Variants in CLTRN observed in about 807,000 individuals in gnomAD.
The protein encoded by CLTRN is collectrin.
In CLTRN, 12 loss-of-function variants were observed where a neutral mutation model predicts 14.5. The observed-to-expected ratio is 0.83, with a 90% confidence interval of 0.53 to 1.34. CLTRN has a LOEUF of 1.34. Among genes scored for constraint, CLTRN ranks in the 40% most tolerant of loss-of-function variants. CLTRN has a pLI of 0.00. For synonymous variants in CLTRN, 58 were observed against 56.5 expected, an observed-to-expected ratio of 1.03 and a Z score of -0.12; for missense variants, 154 against 165.1, an observed-to-expected ratio of 0.93 and a Z score of 0.37.
chrX:15,641,218 C>T (rs1261277482), intron 4 of CLTRN, among the ~76,000 whole-genome samples: 1 of 111,851 alleles, frequency 8.9e-6, no homozygotes, highest in Non-Finnish European at 1.9e-5. Flanking sequence ...GTAGCAAAGA[C>T]TTATTTAATT....
At chrX:15,638,320 A>G (rs1928863572) in intron 5 of CLTRN, among the ~76,000 whole-genome samples, 1 of 112,375 alleles carries the variant, frequency 8.9e-6, no homozygotes, top group African/African-American at 3.2e-5. Flanking sequence ...TAATTTGAGG[A>G]CTAGACATAA....
At chrX:15,653,127 AT>A (rs1929264797) in intron 3 of CLTRN, among the ~76,000 whole-genome samples, 2 of 111,219 alleles carry the variant, frequency 1.8e-5, no homozygotes, top group Admixed American at 9.5e-5. Context: ...ATATGAACAA[AT>A]TTTTTTCTTG....
At chrX:15,668,802 C>T (rs1929668003), upstream of CLTRN, among the ~76,000 whole-genome samples, 1 of 111,716 alleles carries the variant, frequency 9.0e-6, no homozygotes, top group Non-Finnish European at 1.9e-5. Context: ...TTTTTCATTC[C>T]TTACATTATC....
chrX:15,630,948 A>G lies in CLTRN; in HGVS notation c.513-2821T>C, dbSNP rs777458003. 1.6e-4 allele frequency among the ~76,000 whole-genome samples: 18 copies of G among 112,378 alleles called. No individual in the cohort carries two copies. In the South Asian group the frequency reaches 1.8e-3, roughly 11 times the overall value. ...CCTCCAGAAAGCAAAGGAAATCAAC[A>G]TTCTATAACCATCAATCACATCACT... On this transcript the variant is annotated intron_variant, in intron 5 of 5. Transcript: ENST00000380342.
intron 1 of CLTRN, 77 bp from the exon 2 acceptor site, chrX:15,664,472 T>G (rs1282223564): frequency 5.7e-6 from 5 of 875,316 alleles, no homozygotes; most frequent in Non-Finnish European, 8.1e-6. Context: ...AATCCTAATA[T>G]GTAATGCAAC....
chrX:15,671,326 T>C (rs1408519326), intron 1 of CLTRN, among the ~76,000 whole-genome samples: 1 of 112,071 alleles, frequency 8.9e-6, no homozygotes, highest in Non-Finnish European at 1.9e-5. Flanking sequence ...CCTGGAACAA[T>C]GGCAAGATGT....
chrX:15,644,648 C>G (rs1456478969), intron 4 of CLTRN, among the ~76,000 whole-genome samples: 4 of 111,532 alleles, frequency 3.6e-5, no homozygotes, highest in Middle Eastern at 4.2e-3. Context: ...ACCACCACCC[C>G]CTCCAGCTGT....
intron 3 of CLTRN, chrX:15,646,594 C>T: frequency 2.9e-6 from 1 of 342,118 alleles, no homozygotes; most frequent in Non-Finnish European, 5.9e-6. Context: ...CAGCCCCTCC[C>T]CACCGCTCCT....
intron 5 of CLTRN, among the ~76,000 whole-genome samples, chrX:15,634,569 G>A (rs1250954267): frequency 9.1e-6 from 1 of 110,378 alleles, no homozygotes; most frequent in Non-Finnish European, 1.9e-5. Flanking sequence ...ACTAAATCTA[G>A]TAGAGACATT....
intron 5 of CLTRN, among the ~76,000 whole-genome samples, chrX:15,637,526 C>T (rs994385451): frequency 8.9e-6 from 1 of 112,136 alleles, no homozygotes; most frequent in African/African-American, 3.2e-5. Context: ...CCAGTTTGAA[C>T]ATGAAATAAA....
At chrX:15,639,114 A>G (rs2078504230) in intron 5 of CLTRN, among the ~76,000 whole-genome samples, 1 of 111,958 alleles carries the variant, frequency 8.9e-6, no homozygotes, top group African/African-American at 3.2e-5. Context: ...GTACAAAGGC[A>G]TCTGGGACAA....
chrX:15,627,960 A>T lies in CLTRN; in HGVS notation c.*11T>A. 1 of 1,010,162 alleles carries T rather than the reference A, an allele frequency of 9.9e-7. No homozygotes were observed. The highest frequency in any genetic ancestry group is 4.1e-5 in the South Asian group (1 of 24,232). 83.2% of individuals were successfully genotyped at this position (1,010,162 alleles called of 1,213,427 possible). A position where few individuals can be genotyped will look rare whatever the true frequency, so the allele number is the denominator to read the frequency against. The stretch of plus-strand genomic sequence containing the variant: ...ATGTTTAATTTCTTGAGGAAGCAGA[A>T]CAACAGCCCTTCAGAGAGGGGTGAG... On this transcript the variant is annotated 3_prime_UTR_variant, in exon 6 of 6. Coordinates refer to ENST00000380342, the MANE Select transcript of CLTRN (RefSeq NM_020665.6).
chrX:15,656,412 G>A (rs1393687879), intron 3 of CLTRN, among the ~76,000 whole-genome samples: 2 of 111,538 alleles, frequency 1.8e-5, no homozygotes, highest in Non-Finnish European at 3.8e-5. Flanking sequence ...TTTAATTCAC[G>A]TGATTTGGTT....
chrX:15,644,377 T>C (rs984492447), intron 4 of CLTRN, among the ~76,000 whole-genome samples: 4 of 111,667 alleles, frequency 3.6e-5, no homozygotes, highest in Non-Finnish European at 7.5e-5. Context: ...GATGCATCCT[T>C]CTGTAAATGC....
intron 4 of CLTRN, among the ~76,000 whole-genome samples, chrX:15,642,603 C>A (rs1049902757): frequency 1.8e-5 from 2 of 111,813 alleles, no homozygotes; most frequent in African/African-American, 6.5e-5. Flanking sequence ...AAGGAATGAC[C>A]AACCAATTCT....
At position 15,646,879 on chromosome X, in the gene CLTRN, G is replaced by A. The variant is rs1263904148; in HGVS notation, c.204-1850C>T. 3 of 292,935 alleles carry A rather than the reference G, an allele frequency of 1.0e-5. No individual in the cohort carries two copies. The East Asian group carries it at 3.0e-4, about 29-fold the overall frequency. 24.1% of individuals were successfully genotyped at this position (292,935 alleles called of 1,213,427 possible). On this transcript the variant is annotated intron_variant, in intron 3 of 5. Transcript: ENST00000380342. ...AGGGAGCCCGATGCCCAGGCCATCT[G>A]CCTTCGGGTCTGTGATGAGAAACGG... is the stretch of plus-strand genomic sequence containing the variant.
intron 1 of CLTRN, 21 bp from the exon 2 acceptor site, chrX:15,664,416 A>G: frequency 1.7e-6 from 2 of 1,158,980 alleles, no homozygotes; most frequent in Non-Finnish European, 2.3e-6. Context: ...AGAAAAAAGA[A>G]AGAGCAGTAT....
At chrX:15,635,272 T>G (rs947304648) in intron 5 of CLTRN, among the ~76,000 whole-genome samples, 1 of 111,696 alleles carries the variant, frequency 9.0e-6, no homozygotes, top group Admixed American at 9.5e-5. Context: ...TTATTCAGAA[T>G]TTTTCAGCCT....
intron 3 of CLTRN, among the ~76,000 whole-genome samples, chrX:15,658,655 C>CTT (rs1319712480): frequency 9.1e-6 from 1 of 110,025 alleles, no homozygotes; most frequent in Non-Finnish European, 1.9e-5. Context: ...CTTATACACA[C>CTT]TTAGGTTATT....
Sources: gnomAD v4.1 joint callset for allele counts (sites outside exome capture counted in the v4.1 genomes callset) on GRCh38, gnomAD v4.1.1 for gene constraint, MANE v1.5 for transcripts, NCBI Gene and HGNC (gene_info 2026-07-23, HGNC 2026-07-21) for gene names.